The following LSG1 variants were observed in gnomAD, a reference collection of about 807,000 sequenced individuals.
LSG1 encodes large 60S subunit nuclear export GTPase 1.
Under a neutral mutation model 82.6 loss-of-function variants are expected in LSG1, and 55 were observed. The ratio of observed to expected loss-of-function variants is 0.67; its 90% confidence interval spans 0.54 to 0.83. The LOEUF is 0.83. Among genes scored for constraint, LSG1 ranks in the 40% least tolerant of loss-of-function variants. LSG1 has a pLI of 0.00. For synonymous variants in LSG1, 272 were observed against 282.5 expected (o/e 0.96, Z 0.37); for missense variants, 809 against 807.9 (o/e 1.00, Z -0.02).
At chr3:194,667,942 A>AAAAAAAAAAAAAAATATATAT (rs1416407494) in intron 2 of LSG1, among the ~76,000 whole-genome samples, 2 of 86,962 alleles carry the variant, frequency 2.3e-5, no homozygotes, top group African/African-American at 9.7e-5. Context: ...AAAAAAAAAA[A>AAAAAAAAAAAAAAATATATAT]ATATATATAT....
Position 194,641,508 on chromosome 3 carries a change from A to G in LSG1, c.*560T>C, listed in dbSNP as rs1718380084. 6.6e-6 allele frequency: 1 copy of G among 152,350 alleles called. No individual in the cohort carries two copies. The highest frequency in any genetic ancestry group is 1.5e-5 in the Non-Finnish European group (1 of 68,140). 9.4% of individuals were successfully genotyped at this position (152,350 alleles called of 1,614,324 possible). On this transcript the variant is annotated 3_prime_UTR_variant, in exon 14 of 14. Coordinates refer to ENST00000265245, the MANE Select transcript of LSG1 (RefSeq NM_018385.3). ...GGACGTGAGCCCCCGCTGTACACTAACTGAACCCAAGTCCCTTGTTTAGAG... is the reference window on the plus strand; with the variant it reads ...GGACGTGAGCCCCCGCTGTACACTAGCTGAACCCAAGTCCCTTGTTTAGAG...
chr3:194,653,895 CACA>C (rs770753564), intron 7 of LSG1, among the ~76,000 whole-genome samples: 25 of 152,050 alleles, frequency 1.6e-4, no homozygotes, highest in Admixed American at 8.5e-4. Flanking sequence ...AAACCACCAC[CACA>C]ACAACAACAA....
In LSG1 at chr3:194,660,006, T is replaced by C. The variant is rs979965108; in HGVS notation, c.582+67A>G. 6 of 1,337,884 alleles carry C rather than the reference T, an allele frequency of 4.5e-6. No individual in the cohort carries two copies. In the Admixed American group the frequency reaches 5.0e-5, roughly 11 times the overall value. The allele number at this position is 1,337,884 out of a possible 1,614,324, so 82.9% of individuals were successfully genotyped here. ...CAGAATGTATGCCTACAGTCATTGC[T>C]GAGGGATGCGGTGCTGGCACTGCTA... is the stretch of plus-strand genomic sequence containing the variant. On this transcript the variant is annotated intron_variant, in intron 6 of 13. Coordinates refer to ENST00000265245, the MANE Select transcript of LSG1 (RefSeq NM_018385.3).
chr3:194,645,515 C>CACAGACAG, intron 12 of LSG1: 1 of 53,962 alleles, frequency 1.9e-5, no homozygotes, highest in South Asian at 5.3e-4. Context: ...CACACACACA[C>CACAGACAG]ACACACACAC....
chr3:194,641,774 T>A lies in LSG1; in HGVS notation c.*294A>T, dbSNP rs138674253. ...GATTACAGGTGCGCGCCACCACGCCTGGCTAATTTTTTTGTATTTTTAGTA... is the reference window on the plus strand; with the variant it reads ...GATTACAGGTGCGCGCCACCACGCCAGGCTAATTTTTTTGTATTTTTAGTA... On this transcript the variant is annotated 3_prime_UTR_variant, in exon 14 of 14. Coordinates refer to ENST00000265245, the MANE Select transcript of LSG1 (RefSeq NM_018385.3). 2.2e-5 allele frequency: 5 copies of A among 228,020 alleles called. No homozygotes were observed. Among genetic ancestry groups the A allele is most frequent in the Non-Finnish European group, 3.4e-5 (4 of 117,776 alleles). 14.1% of individuals were successfully genotyped at this position (228,020 alleles called of 1,614,324 possible).
At chr3:194,669,950 A>T in intron 2 of LSG1, 59 bp downstream of exon 2, 1 of 1,563,384 alleles carries the variant, frequency 6.4e-7, no homozygotes, top group Non-Finnish European at 8.6e-7. Context: ...AACAAAAAAA[A>T]CCTCAGCCCC....
chr3:194,641,756 G>A lies in LSG1; in HGVS notation c.*312C>T, dbSNP rs1364401697. On this transcript the variant is annotated 3_prime_UTR_variant, in exon 14 of 14. Transcript: ENST00000265245. The stretch of plus-strand genomic sequence containing the variant: ...AGCCTCCCGAGTAGCTGGGATTACA[G>A]GTGCGCGCCACCACGCCTGGCTAAT... 5.3e-6 allele frequency: 1 copy of A among 190,098 alleles called. No homozygotes were observed. Among genetic ancestry groups the A allele is most frequent in the South Asian group, 1.5e-4 (1 of 6,736 alleles). The allele number at this position is 190,098 out of a possible 1,614,324, so 11.8% of individuals were successfully genotyped here.
intron 7 of LSG1, among the ~76,000 whole-genome samples, chr3:194,656,863 C>A (rs927323816): frequency 6.6e-6 from 1 of 152,104 alleles, no homozygotes; most frequent in African/African-American, 2.4e-5. Context: ...GTGGATGAAG[C>A]TGGAAACCAT....
chr3:194,663,070 C>A (rs1185901825), intron 5 of LSG1, among the ~76,000 whole-genome samples: 1 of 152,184 alleles, frequency 6.6e-6, no homozygotes, highest in East Asian at 1.9e-4. Flanking sequence ...GGAAGTAGGA[C>A]AAAATCTGAA....
intron 5 of LSG1, 67 bp from the exon 6 acceptor site, chr3:194,660,200 A>C: frequency 6.4e-6 from 8 of 1,248,158 alleles, no homozygotes; most frequent in Non-Finnish European, 9.4e-6. Flanking sequence ...CCACATAATA[A>C]TGGCCAGAGT....
intron 2 of LSG1, 128 bp downstream of exon 2, chr3:194,669,881 A>G: frequency 1.9e-6 from 2 of 1,075,716 alleles, no homozygotes; most frequent in East Asian, 2.5e-5. Context: ...CAGTGAGCTG[A>G]TATCACGCCA....
At chr3:194,645,565 C>CAG (rs1718523773) in intron 12 of LSG1, among the ~76,000 whole-genome samples, 2 of 62,838 alleles carry the variant, frequency 3.2e-5, no homozygotes, top group African/African-American at 5.8e-5. Context: ...CACACACACA[C>CAG]ACACAGACAG....
chr3:194,645,583 C>CAGACAG (rs1560219878), intron 12 of LSG1, among the ~76,000 whole-genome samples: 6 of 68,386 alleles, frequency 8.8e-5, no homozygotes, highest in Admixed American at 6.6e-4. Context: ...CAGACACACA[C>CAGACAG]ACACACACAC....
chr3:194,642,858 A>T (rs1179114663), intron 13 of LSG1, among the ~76,000 whole-genome samples: 1 of 152,216 alleles, frequency 6.6e-6, no homozygotes, highest in African/African-American at 2.4e-5. Context: ...CCAACTTGAA[A>T]ATAATTCAAA....
chr3:194,663,413 C>G (rs1718974585), intron 5 of LSG1, among the ~76,000 whole-genome samples: 1 of 104,354 alleles, frequency 9.6e-6, no homozygotes. Context: ...TCAGAGAAAG[C>G]CTTTCCCTTC....
intron 5 of LSG1, 127 bp downstream of exon 5, chr3:194,665,430 A>G (rs771055055): frequency 1.0e-5 from 6 of 574,786 alleles, no homozygotes; most frequent in Non-Finnish European, 1.8e-5. Context: ...CTGTGTTTTT[A>G]TAATTCTCAG....
At position 194,662,649 on chromosome 3, in the gene LSG1, C is replaced by CTACT. The variant is rs1367135024; in HGVS notation, c.522-2520_522-2517dup. On this transcript the variant is annotated intron_variant, in intron 5 of 13. Coordinates refer to ENST00000265245, the MANE Select transcript of LSG1 (RefSeq NM_018385.3). ...TGGTGGCGCGTGCCTGTAATCCCAG[C>CTACT]TACTCGGGAGGCTGAGGCAGGAAAA... Among the ~76,000 whole-genome samples the CTACT allele has an allele frequency of 1.3e-5, 2 of 152,188 alleles. 1 individual carries two copies. Among genetic ancestry groups the CTACT allele is most frequent in the Non-Finnish European group, 2.9e-5 (2 of 68,038 alleles).
In LSG1 at chr3:194,644,714, T is replaced by C. The variant is rs1469598277; in HGVS notation, c.1656A>G (p.Gly552=). 6.2e-7 allele frequency: 1 copy of C among 1,607,862 alleles called. No individual in the cohort carries two copies. Among genetic ancestry groups the C allele is most frequent in the Non-Finnish European group, 8.5e-7 (1 of 1,176,696 alleles). The change falls in exon 13 of 14, where the codon GGA becomes GGG. Residue 552 remains glycine (G), a synonymous_variant. Transcript: ENST00000265245. The part of the protein sequence containing the change: ...GKLLYCHPPP[G]RDPVTFQHQH... The stretch of plus-strand genomic sequence containing the variant: ...GATGCTGAAAAGTTACAGGATCTCT[T>C]CCAGGAGGAGGATGGCAGTACAGCA...
At chr3:194,665,382 C>A (rs1719010373) in intron 5 of LSG1, among the ~76,000 whole-genome samples, 175 bp downstream of exon 5, 3 of 152,174 alleles carry the variant, frequency 2.0e-5, no homozygotes, top group South Asian at 4.1e-4. Context: ...ATTCATCTAA[C>A]AACAAAAAAA....
Sources: gnomAD v4.1 joint callset for allele counts (sites outside exome capture counted in the v4.1 genomes callset) on GRCh38, gnomAD v4.1.1 for gene constraint, MANE v1.5 for transcripts, NCBI Gene and HGNC (gene_info 2026-07-23, HGNC 2026-07-21) for gene names.